Variants in DOCK4 observed in about 807,000 individuals in gnomAD.
DOCK4 encodes the protein dedicator of cytokinesis 4.
In DOCK4, 97 loss-of-function variants were observed where a neutral mutation model predicts 268.1. The ratio of observed to expected loss-of-function variants is 0.36; its 90% CI spans 0.31 to 0.43. DOCK4 has a LOEUF of 0.43. DOCK4 is among the 20% of genes least tolerant of loss of function. The pLI, the probability that DOCK4 is intolerant of heterozygous loss-of-function variation, is 1.00. For synonymous variants in DOCK4, 954 were observed against 887.2 expected (o/e 1.08, Z -1.34); for missense variants, 2,145 against 2,455.7 (o/e 0.87, Z 2.67).
chr7:111,840,750 T>C lies in DOCK4; in HGVS notation c.2736+4013A>G, dbSNP rs375552893. 2.1e-5 allele frequency: 26 copies of C among 1,231,612 alleles called. No homozygotes were observed. In the African/African-American group the frequency reaches 4.2e-4, roughly 20 times the overall value. 76.3% of individuals were successfully genotyped at this position (1,231,612 alleles called of 1,614,324 possible). A position where few individuals can be genotyped will look rare whatever the true frequency, so the allele number is the denominator to read the frequency against. ...ATTCACAATGGCACATTGTGGGATC[T>C]GCGTTTACTCACAGTGTGTCTACTT... On this transcript the variant is annotated intron_variant, in intron 25 of 52. Coordinates refer to ENST00000428084, the MANE Select transcript of DOCK4 (RefSeq NM_001363540.2).
intron 25 of DOCK4, among the ~76,000 whole-genome samples, chr7:111,839,192 T>C (rs1330142227): frequency 6.6e-6 from 1 of 152,206 alleles, no homozygotes; most frequent in Non-Finnish European, 1.5e-5. Flanking sequence ...CTGAGGTTTT[T>C]GGTTATAATT....
At chr7:111,807,144 C>G (rs1179188132) in intron 30 of DOCK4, among the ~76,000 whole-genome samples, 1 of 152,160 alleles carries the variant, frequency 6.6e-6, no homozygotes, top group African/African-American at 2.4e-5. Flanking sequence ...TTTTAACATT[C>G]TTGTAACCGA....
chr7:112,193,277 G>A (rs1451139199), intron 1 of DOCK4, among the ~76,000 whole-genome samples: 2 of 152,128 alleles, frequency 1.3e-5, no homozygotes, highest in African/African-American at 4.8e-5. Flanking sequence ...GATACCTGGA[G>A]TTACTAGTCG....
At chr7:111,797,246 GCCAGGGAAAAAGTTCC>G (rs1196195096) in intron 30 of DOCK4, among the ~76,000 whole-genome samples, 1 of 152,126 alleles carries the variant, frequency 6.6e-6, no homozygotes, top group Non-Finnish European at 1.5e-5. Context: ...ATCAGACAGA[GCCAGGGAAAAAGTTCC>G]CCAAAATTAA....
At chr7:111,876,747 CG>C (rs1806919076) in intron 17 of DOCK4, among the ~76,000 whole-genome samples, 1 of 126,038 alleles carries the variant, frequency 7.9e-6, no homozygotes, top group East Asian at 2.5e-4. Context: ...TTGGTATTTT[CG>C]TTTTTTTTTT....
chr7:111,780,546 C>A (rs1258820689), intron 35 of DOCK4, among the ~76,000 whole-genome samples: 2 of 152,172 alleles, frequency 1.3e-5, no homozygotes, highest in Non-Finnish European at 2.9e-5. Context: ...TAAAAAAATA[C>A]CTCCAGTCAG....
intron 13 of DOCK4, among the ~76,000 whole-genome samples, chr7:111,903,255 C>G (rs1027284070): frequency 6.6e-6 from 1 of 152,094 alleles, no homozygotes; most frequent in East Asian, 1.9e-4. Flanking sequence ...GACAAGGATA[C>G]AGGTGGGCCA....
At chr7:112,072,963 A>G (rs978159225) in intron 1 of DOCK4, among the ~76,000 whole-genome samples, 2 of 152,196 alleles carry the variant, frequency 1.3e-5, no homozygotes, top group Admixed American at 1.3e-4. Context: ...GCCACTGCGC[A>G]TGCAGACAGC....
intron 1 of DOCK4, among the ~76,000 whole-genome samples, chr7:112,035,010 C>T (rs757330320): frequency 2.0e-5 from 3 of 152,158 alleles, no homozygotes; most frequent in Non-Finnish European, 2.9e-5. Context: ...TGGGACTTTG[C>T]ATGCTTCATC....
chr7:112,014,603 G>A (rs531114768), intron 1 of DOCK4, among the ~76,000 whole-genome samples: 95 of 152,148 alleles, frequency 6.2e-4, no homozygotes, highest in Non-Finnish European at 1.1e-3. Context: ...ACACCTCTGT[G>A]TTTTATATTG....
chr7:111,733,589 G>C (rs1795264505), intron 51 of DOCK4, among the ~76,000 whole-genome samples: 3 of 152,092 alleles, frequency 2.0e-5, no homozygotes. Context: ...TGTTCCCTAG[G>C]ACCCTCTTCC....
At chr7:111,931,951 G>A in intron 12 of DOCK4, among the ~76,000 whole-genome samples, 1 of 152,200 alleles carries the variant, frequency 6.6e-6, no homozygotes, top group East Asian at 1.9e-4. Flanking sequence ...CTCTCTAAGA[G>A]ATGACTCCTG....
chr7:111,987,762 A>G (rs1006561432), intron 6 of DOCK4, among the ~76,000 whole-genome samples: 1 of 152,246 alleles, frequency 6.6e-6, no homozygotes, highest in Non-Finnish European at 1.5e-5. Flanking sequence ...AATTTGCTTC[A>G]GGTCCTAAGA....
rs869052136 is a variant in DOCK4 at position 111,762,762 on chromosome 7, C to CTTTTTTTTTT, written c.4020+2346_4020+2355dup. On this transcript the variant is annotated intron_variant, in intron 39 of 52. Coordinates refer to ENST00000428084, the MANE Select transcript of DOCK4 (RefSeq NM_001363540.2). ...TAAATAACCCATTTTGTTTTGTTTT[C>CTTTTTTTTTT]TTTTTTTTTTTTTTTTTTTTTTTTG... Among the ~76,000 whole-genome samples, 67 of 63,062 alleles carry CTTTTTTTTTT rather than the reference C, an allele frequency of 1.1e-3. 5 individuals are homozygous for CTTTTTTTTTT. Among genetic ancestry groups the CTTTTTTTTTT allele is most frequent in the African/African-American group, 1.5e-3 (28 of 18,370 alleles). The allele number at this position is 63,062 out of a possible 152,430, so 41.4% of individuals were successfully genotyped here.
chr7:111,870,066 G>A (rs758433314), intron 20 of DOCK4, among the ~76,000 whole-genome samples: 4 of 152,072 alleles, frequency 2.6e-5, no homozygotes, highest in Admixed American at 2.6e-4. Flanking sequence ...CAGGCAAAAC[G>A]GGGTGGGAAG....
chr7:111,940,212 G>A lies in DOCK4; in HGVS notation c.875C>T (p.Ala292Val). 6.2e-7 allele frequency: 1 copy of A among 1,613,918 alleles called. No individual in the cohort carries two copies. The highest frequency in any genetic ancestry group is 8.5e-7 in the Non-Finnish European group (1 of 1,179,860). Residue 292 changes from alanine to valine, a missense_variant, in exon 11 of 53, where the codon GCC becomes GTC. Ala to Val is a moderately conservative substitution (Grantham distance 64). Around this residue, in one of 2 missense-constraint regions of DOCK4, gnomAD observed 1,598 missense variants for 1,986.7 expected, o/e 0.80. Coordinates refer to ENST00000428084, the MANE Select transcript of DOCK4 (RefSeq NM_001363540.2). ...GRMGAGEKKN[A>V]CSVQYRRPFG... is the part of the protein sequence containing the mutation. The stretch of plus-strand genomic sequence containing the variant: ...GGGTCGTCGGTACTGGACACTACAG[G>A]CATTCTTTTTTTCTCCTGCTCCCAT...
At chr7:111,927,941 G>A (rs1325443191) in intron 12 of DOCK4, among the ~76,000 whole-genome samples, 4 of 152,162 alleles carry the variant, frequency 2.6e-5, no homozygotes, top group Admixed American at 6.5e-5. Context: ...GTGTTGCAGA[G>A]AAGAACCTGA....
Position 111,728,160 on chromosome 7 carries a change from A to T in DOCK4, c.*114T>A. On this transcript the variant is annotated 3_prime_UTR_variant, in exon 53 of 53. Coordinates refer to ENST00000428084, the MANE Select transcript of DOCK4 (RefSeq NM_001363540.2). Reference sequence around the variant, plus strand: ...TATTTAATAAGCAAGTTTTAATTCCATTCATCGAAGGAGCTGAGTAAGTTA... The same window carrying T: ...TATTTAATAAGCAAGTTTTAATTCCTTTCATCGAAGGAGCTGAGTAAGTTA... 2.6e-6 allele frequency: 2 copies of T among 770,624 alleles called. No homozygotes were observed. Among genetic ancestry groups the T allele is most frequent in the Non-Finnish European group, 3.6e-6 (2 of 552,866 alleles). 47.7% of individuals were successfully genotyped at this position (770,624 alleles called of 1,614,324 possible).
chr7:112,167,311 G>A (rs1817691578), intron 1 of DOCK4, among the ~76,000 whole-genome samples: 1 of 152,174 alleles, frequency 6.6e-6, no homozygotes, highest in African/African-American at 2.4e-5. Flanking sequence ...AGAAGCAGGT[G>A]GTCAAGTAGC....
Sources: allele counts gnomAD v4.1 joint callset (sites outside exome capture counted in the v4.1 genomes callset), GRCh38; gene constraint gnomAD v4.1.1; regional missense constraint gnomAD v4.1.1; transcripts MANE v1.5; gene names NCBI Gene and HGNC (gene_info 2026-07-23, HGNC 2026-07-21).